SAMMSON: variants seen among roughly 807,000 people sequenced by gnomAD.
SAMMSON encodes the protein survival associated mitochondrial melanoma specific oncogenic non-coding RNA, also known as long intergenic non-protein coding RNA 1212.
intron 4 of SAMMSON, among the ~76,000 whole-genome samples, chr3:70,173,284 T>C (rs1700977456): frequency 6.6e-6 from 1 of 151,986 alleles, no homozygotes; most frequent in African/African-American, 2.4e-5. Context: ...GTCTCTGTTC[T>C]GTTTGTCACA....
At chr3:70,137,679 A>C (rs2067511486) in intron 4 of SAMMSON, 1 of 152,234 alleles carries the variant, frequency 6.6e-6, no homozygotes. Context: ...TAAGTTTTCT[A>C]ATGGCCACAG....
At chr3:70,127,131 C>A (rs1217194835) in intron 4 of SAMMSON, 1 of 152,186 alleles carries the variant, frequency 6.6e-6, no homozygotes, top group Non-Finnish European at 1.5e-5. Flanking sequence ...GGCTGTACCA[C>A]TTAAGAGTGT....
At chr3:70,294,522 A>G (rs1262233490) in intron 7 of SAMMSON, among the ~76,000 whole-genome samples, 1 of 152,208 alleles carries the variant, frequency 6.6e-6, no homozygotes, top group Admixed American at 6.5e-5. Context: ...GGAAAAAAGT[A>G]AAATAATAAT....
chr3:70,265,309 G>A (rs1027542392), intron 6 of SAMMSON, among the ~76,000 whole-genome samples: 1 of 152,190 alleles, frequency 6.6e-6, no homozygotes, highest in African/African-American at 2.4e-5. Flanking sequence ...CTAACCTAGT[G>A]AGATATTCTC....
intron 3 of SAMMSON, among the ~76,000 whole-genome samples, chr3:70,042,314 A>T (rs1200718278): frequency 6.6e-6 from 1 of 152,088 alleles, no homozygotes; most frequent in African/African-American, 2.4e-5. Flanking sequence ...GGTCTGTTTG[A>T]ATAACAGCTT....
intron 4 of SAMMSON, among the ~76,000 whole-genome samples, chr3:70,128,766 G>C (rs750086384): frequency 2.0e-5 from 3 of 152,136 alleles, no homozygotes; most frequent in East Asian, 1.9e-4. Context: ...TTTCAATTAG[G>C]AGCAAGATAA....
chr3:70,027,903 A>G (rs2067047403), intron 3 of SAMMSON, among the ~76,000 whole-genome samples: 1 of 152,222 alleles, frequency 6.6e-6, no homozygotes, highest in Admixed American at 6.5e-5. Flanking sequence ...AATACAGAAG[A>G]CATCTCAAAG....
chr3:70,322,322 C>T (rs944990879), intron 7 of SAMMSON, among the ~76,000 whole-genome samples: 1 of 152,056 alleles, frequency 6.6e-6, no homozygotes, highest in Non-Finnish European at 1.5e-5. Flanking sequence ...TAAATCTTAG[C>T]ATCTGTCTTT....
At chr3:70,283,994 C>T (rs1051847523) in intron 6 of SAMMSON, 6 of 152,078 alleles carry the variant, frequency 3.9e-5, no homozygotes, top group African/African-American at 1.4e-4. Context: ...TACTGTCATA[C>T]AGAAGGGGTT....
chr3:70,293,453 T>C (rs1702259146), intron 7 of SAMMSON, among the ~76,000 whole-genome samples: 1 of 152,148 alleles, frequency 6.6e-6, no homozygotes, highest in Non-Finnish European at 1.5e-5. Context: ...TGAAAATATC[T>C]TTGATTTCTA....
In SAMMSON at chr3:70,103,994, C is replaced by CTTT. The variant is rs11357634; in HGVS notation, n.507+32443_507+32445dup. ...AGCATGTTCTATTGATTCATTTAAG[C>CTTT]TTTTTTTTTTTTTTTTCCTATCATA... On this transcript the variant is annotated intron_variant and non_coding_transcript_variant, in intron 4 of 9. Transcript: ENST00000642114. Among the ~76,000 whole-genome samples, 863 of 138,716 alleles carry CTTT rather than the reference C, an allele frequency of 6.2e-3. 6 individuals carry two copies. The highest frequency in any genetic ancestry group is 0.02 in the African/African-American group (756 of 37,564). The allele number at this position is 138,716 out of a possible 152,430, so 91.0% of individuals were successfully genotyped here.
At chr3:70,320,075 C>T (rs1448846041) in intron 7 of SAMMSON, among the ~76,000 whole-genome samples, 1 of 151,984 alleles carries the variant, frequency 6.6e-6, no homozygotes, top group Non-Finnish European at 1.5e-5. Flanking sequence ...TGTAAGGACA[C>T]ATGTAGAGAA....
rs1276110391 is a variant in SAMMSON, at chr3:70,288,592, G to A, written n.675-2587G>A. The stretch of plus-strand genomic sequence containing the variant: ...TATTAGGTCCACTTGCTGCAGAGCT[G>A]AGTTCAATTCCTGGGTATCCTTGTT... On this transcript the variant is annotated intron_variant and non_coding_transcript_variant, in intron 6 of 9. Coordinates refer to ENST00000642114, the Ensembl canonical transcript of SAMMSON. Among the ~76,000 whole-genome samples, 113 of 149,476 alleles carry A rather than the reference G, an allele frequency of 7.6e-4. 1 individual carries two copies. Among genetic ancestry groups the A allele is most frequent in the African/African-American group, 2.7e-3 (111 of 40,422 alleles).
intron 6 of SAMMSON, among the ~76,000 whole-genome samples, chr3:70,256,937 T>A (rs572018644): frequency 6.6e-6 from 1 of 152,144 alleles, no homozygotes; most frequent in African/African-American, 2.4e-5. Flanking sequence ...TGGATTATAA[T>A]TGGTCCACCC....
At chr3:70,098,191 C>G (rs1307858377) in intron 4 of SAMMSON, among the ~76,000 whole-genome samples, 2 of 152,082 alleles carry the variant, frequency 1.3e-5, no homozygotes, top group African/African-American at 4.8e-5. Flanking sequence ...GACTAGAGTC[C>G]AGATAAAGTC....
At chr3:70,375,799 T>C (rs1703009532) in intron 9 of SAMMSON, among the ~76,000 whole-genome samples, 1 of 152,176 alleles carries the variant, frequency 6.6e-6, no homozygotes, top group Non-Finnish European at 1.5e-5. Flanking sequence ...TCAGGAACTG[T>C]ATTTTTGCTG....
intron 7 of SAMMSON, among the ~76,000 whole-genome samples, chr3:70,322,418 G>A (rs962025119): frequency 2.6e-5 from 4 of 152,100 alleles, no homozygotes; most frequent in South Asian, 2.1e-4. Flanking sequence ...CATCTTGACT[G>A]TGTCTTTGCT....
intron 4 of SAMMSON, among the ~76,000 whole-genome samples, chr3:70,103,721 T>G (rs2067354776): frequency 1.3e-5 from 2 of 152,136 alleles, no homozygotes; most frequent in South Asian, 4.2e-4. Context: ...TCAACTCTTT[T>G]GTTATTGGAG....
At chr3:70,200,630 T>C (rs564661874) in intron 4 of SAMMSON, among the ~76,000 whole-genome samples, 1 of 152,346 alleles carries the variant, frequency 6.6e-6, no homozygotes, top group South Asian at 2.1e-4. Flanking sequence ...TTCATAGCAC[T>C]GACCATACGA....
Sources: gnomAD v4.1 joint callset for allele counts (sites outside exome capture counted in the v4.1 genomes callset) on GRCh38, gnomAD v4.1.1 for gene constraint, MANE v1.5 for transcripts, NCBI Gene and HGNC (gene_info 2026-07-23, HGNC 2026-07-21) for gene names.